The following MYO9A variants were observed in gnomAD, a reference collection of about 807,000 sequenced individuals.
MYO9A encodes unconventional myosin-IXa.
In MYO9A, 103 loss-of-function variants were observed where a neutral mutation model predicts 293.3. That is an observed-to-expected ratio of 0.35 (90% CI 0.30 to 0.41). The LOEUF (loss-of-function observed/expected upper bound fraction) is 0.41, where lower values mean the gene tolerates loss of function less well. Ranked by LOEUF, MYO9A falls within the 10% of genes least tolerant of loss-of-function variation. The pLI is 1.00. For missense variants in MYO9A, 2,685 were observed against 3,033.0 expected, an observed-to-expected ratio of 0.89 and a Z score of 2.69; for synonymous variants, 1,001 against 1,035.7, an observed-to-expected ratio of 0.97 and a Z score of 0.64.
intron 19 of MYO9A, among the ~76,000 whole-genome samples, chr15:71,906,189 T>G (rs1312621073): frequency 6.6e-6 from 1 of 152,200 alleles, no homozygotes; most frequent in Non-Finnish European, 1.5e-5. Flanking sequence ...TACAACATTT[T>G]GTATGATTTT....
At chr15:72,013,071 T>C (rs2077221412) in intron 6 of MYO9A, among the ~76,000 whole-genome samples, 1 of 152,174 alleles carries the variant, frequency 6.6e-6, no homozygotes, top group Admixed American at 6.5e-5. Flanking sequence ...TTATCTTAAT[T>C]TGGGCTCCCT....
intron 28 of MYO9A, among the ~76,000 whole-genome samples, chr15:71,880,858 A>G (rs2056852149): frequency 6.6e-6 from 1 of 152,232 alleles, no homozygotes; most frequent in Non-Finnish European, 1.5e-5. Flanking sequence ...ACGTCAAGTT[A>G]GATCCCAAAG....
chr15:71,978,289 C>T lies in MYO9A; in HGVS notation c.1726G>A (p.Glu576Lys), dbSNP rs914775263. 1.1e-5 allele frequency: 18 copies of T among 1,596,472 alleles called. No individual in the cohort carries two copies. Among genetic ancestry groups the T allele is most frequent in the Non-Finnish European group, 1.4e-5 (17 of 1,174,642 alleles). The stretch of plus-strand genomic sequence containing the variant: ...CAGCTGATACCTTCAGTTCTATATT[C>T]CTCCTAGAAAAACCAAAAAATAAAA... ...NQHIFKLEQE[E>K]YRTEGISWHN... Residue 576 changes from glutamate (E) to lysine (K), a missense_variant, in exon 12 of 42, where the codon GAA becomes AAA. Coordinates refer to ENST00000356056, the MANE Select transcript of MYO9A (RefSeq NM_006901.4).
At chr15:71,959,185 C>G (rs1019528093) in intron 14 of MYO9A, 2 of 152,142 alleles carry the variant, frequency 1.3e-5, no homozygotes, top group Non-Finnish European at 2.9e-5. Context: ...AAGACCAGTT[C>G]AAATACTTTA....
At chr15:72,018,282 A>G (rs2077400287) in intron 6 of MYO9A, among the ~76,000 whole-genome samples, 1 of 152,028 alleles carries the variant, frequency 6.6e-6, no homozygotes, top group African/African-American at 2.4e-5. Flanking sequence ...AGCCTGGACA[A>G]TATGGCAAAA....
intron 5 of MYO9A, among the ~76,000 whole-genome samples, chr15:72,019,479 A>T: frequency 6.6e-6 from 1 of 152,238 alleles, no homozygotes; most frequent in East Asian, 1.9e-4. Flanking sequence ...AAAAAAGAAA[A>T]TCTTTAATCA....
chr15:72,066,945 G>C (rs186942903), intron 1 of MYO9A, among the ~76,000 whole-genome samples: 2 of 151,330 alleles, frequency 1.3e-5, no homozygotes, highest in East Asian at 3.9e-4. Context: ...AAATAAAAGA[G>C]ATTGGTTATT....
chr15:72,011,825 TTC>T (rs945134844), intron 6 of MYO9A, among the ~76,000 whole-genome samples: 2 of 152,228 alleles, frequency 1.3e-5, no homozygotes, highest in African/African-American at 4.8e-5. Flanking sequence ...CTAGGGAATA[TTC>T]TCTCAAGTAC....
intron 5 of MYO9A, among the ~76,000 whole-genome samples, chr15:72,019,787 T>C (rs1188290822): frequency 6.6e-6 from 1 of 152,224 alleles, no homozygotes; most frequent in African/African-American, 2.4e-5. Flanking sequence ...TCTCGCTCTG[T>C]TGCCCAGGCT....
At chr15:71,993,215 T>C (rs961002542) in intron 10 of MYO9A, among the ~76,000 whole-genome samples, 2 of 152,080 alleles carry the variant, frequency 1.3e-5, no homozygotes, top group African/African-American at 4.8e-5. Flanking sequence ...CCAGGCATTG[T>C]GGCACGCGCC....
At chr15:72,010,592 T>G (rs1283302281) in intron 6 of MYO9A, 145 bp from the exon 7 acceptor site, 2 of 622,552 alleles carry the variant, frequency 3.2e-6, no homozygotes, top group Non-Finnish European at 5.6e-6. Context: ...CTAGTCAAAT[T>G]CATTAGACCT....
intron 32 of MYO9A, among the ~76,000 whole-genome samples, chr15:71,867,808 A>T (rs1283773261): frequency 8.8e-6 from 1 of 114,278 alleles, no homozygotes; most frequent in East Asian, 2.3e-4. Flanking sequence ...TCACACACAC[A>T]CACACACACA....
chr15:72,033,384 C>T (rs1254078322), intron 2 of MYO9A, among the ~76,000 whole-genome samples: 1 of 151,806 alleles, frequency 6.6e-6, no homozygotes, highest in Non-Finnish European at 1.5e-5. Flanking sequence ...TTTATTATGC[C>T]TATTTAAAAC....
At position 72,045,983 on chromosome 15, in the gene MYO9A, A is replaced by C. The variant is rs1270861100; in HGVS notation, c.581T>G (p.Ile194Ser). Residue 194 changes from isoleucine to serine, a missense_variant, in exon 2 of 42, where the codon ATT (isoleucine) becomes AGT (serine). Ile to Ser is a moderately radical substitution (Grantham distance 142, BLOSUM62 -2). Around this residue, in one of 10 missense-constraint regions of MYO9A, gnomAD observed 289 missense variants for 456.8 expected, o/e 0.63. Transcript: ENST00000356056. ...IVINPFKFLP[I>S]YNPKYVKMYD... ...CATTTTGACATATTTGGGGTTATAAATAGGAAGAAACTTGAATGGGTTAAT... is the reference window on the plus strand; with the variant it reads ...CATTTTGACATATTTGGGGTTATAACTAGGAAGAAACTTGAATGGGTTAAT... 1.2e-6 allele frequency: 2 copies of C among 1,614,178 alleles called. No individual in the cohort carries two copies. Among genetic ancestry groups the C allele is most frequent in the South Asian group, 2.2e-5 (2 of 91,082 alleles).
chr15:71,899,320 A>C lies in MYO9A; in HGVS notation c.3471-288T>G, dbSNP rs563559502. Among the ~76,000 whole-genome samples the C allele has an allele frequency of 5.3e-4, 81 of 152,072 alleles. 1 individual carries two copies. The highest frequency in any genetic ancestry group is 1.7e-3 in the African/African-American group (72 of 41,528). On this transcript the variant is annotated intron_variant, in intron 24 of 41. Coordinates refer to ENST00000356056, the MANE Select transcript of MYO9A (RefSeq NM_006901.4). ...TGCCTTTATTTTAAAGTAAACCTCA[A>C]ATTAAAGTGAAATTTTAAGTGTGAA...
chr15:72,052,182 C>A (rs2078586529), intron 1 of MYO9A, among the ~76,000 whole-genome samples: 1 of 152,062 alleles, frequency 6.6e-6, no homozygotes, highest in Non-Finnish European at 1.5e-5. Context: ...AGCTACCCAC[C>A]CCAGGGTCTC....
chr15:71,928,093 C>T (rs1186274681), intron 18 of MYO9A, among the ~76,000 whole-genome samples: 1 of 18,924 alleles, frequency 5.3e-5, no homozygotes, highest in Non-Finnish European at 1.1e-4. Flanking sequence ...TTTTTTGAGG[C>T]GGAGTCTCGC....
intron 1 of MYO9A, among the ~76,000 whole-genome samples, chr15:72,069,657 T>C (rs1281967928): frequency 1.3e-5 from 2 of 152,196 alleles, no homozygotes; most frequent in African/African-American, 2.4e-5. Flanking sequence ...GGTAGAAACA[T>C]GTATTACTTA....
intron 1 of MYO9A, among the ~76,000 whole-genome samples, chr15:72,060,062 T>C (rs1252403074): frequency 6.6e-6 from 1 of 152,236 alleles, no homozygotes; most frequent in Non-Finnish European, 1.5e-5. Context: ...AGTCCAGCCA[T>C]TATCATCTTC....
Sources: gnomAD v4.1 joint callset for allele counts (sites outside exome capture counted in the v4.1 genomes callset) on GRCh38, gnomAD v4.1.1 for gene constraint, gnomAD v4.1.1 regional missense constraint, MANE v1.5 for transcripts, NCBI Gene and HGNC (gene_info 2026-07-23, HGNC 2026-07-21) for gene names.